The following COL18A1 variants were observed in gnomAD, a reference collection of about 807,000 sequenced individuals.
COL18A1 encodes collagen type XVIII alpha 1 chain.
COL18A1 carries 133 observed loss-of-function variants against 168.0 expected under a neutral mutation model. The observed-to-expected ratio is 0.79, with a 90% CI of 0.69 to 0.91. The LOEUF (loss-of-function observed/expected upper bound fraction) is 0.91. COL18A1 is among the 40% of genes least tolerant of loss of function. The pLI, the probability that COL18A1 is intolerant of heterozygous loss-of-function variation, is 0.00. For synonymous variants in COL18A1, 949 were observed against 809.0 expected (o/e 1.17, Z -2.94); for missense variants, 2,126 against 1,925.4 (o/e 1.10, Z -1.95).
intron 17 of COL18A1, among the ~76,000 whole-genome samples, chr21:45,487,964 A>T (rs185945473): frequency 1.5e-3 from 236 of 152,316 alleles, no homozygotes; most frequent in African/African-American, 5.1e-3. Flanking sequence ...CAAAATCCCA[A>T]AACAACTGTG....
At chr21:45,488,040 A>C (rs148309298) in intron 17 of COL18A1, among the ~76,000 whole-genome samples, 1 of 152,040 alleles carries the variant, frequency 6.6e-6, no homozygotes, top group African/African-American at 2.4e-5. Flanking sequence ...CCCTGCCCCC[A>C]CTGTCCCCTC....
chr21:45,480,322 G>C, intron 11 of COL18A1, 145 bp from the exon 12 acceptor site: 1 of 1,475,138 alleles, frequency 6.8e-7, no homozygotes, highest in Non-Finnish European at 9.3e-7. Flanking sequence ...CTGCCTTCAG[G>C]CTTCTCTGGG....
Position 45,480,123 on chromosome 21 carries a change from G to A in COL18A1, c.1365G>A (p.Gly455=). The change falls in exon 11 of 42, where the codon GGG becomes GGA. Residue 455 remains glycine (G), a synonymous_variant. Coordinates refer to ENST00000651438, the MANE Select transcript of COL18A1 (RefSeq NM_001379500.1). Reference sequence around the variant, plus strand: ...CCCCAGGACCCCAAGGGCCTCCAGGGCCCCCAGGACCCTCCTTCAGACACG... The same window carrying A: ...CCCCAGGACCCCAAGGGCCTCCAGGACCCCCAGGACCCTCCTTCAGACACG... ...RGPPGPQGPP[G]PPGPSFRHDK... 6.2e-7 allele frequency: 1 copy of A among 1,601,716 alleles called. No individual in the cohort carries two copies. Among genetic ancestry groups the A allele is most frequent in the Non-Finnish European group, 8.6e-7 (1 of 1,169,200 alleles).
intron 18 of COL18A1, 62 bp from the exon 19 acceptor site, chr21:45,489,424 G>T: frequency 7.9e-7 from 1 of 1,273,180 alleles, no homozygotes; most frequent in Non-Finnish European, 1.1e-6. Context: ...ACCCGGGGTG[G>T]ACGCTGCCTG....
In COL18A1 at chr21:45,512,488, C is replaced by A; in HGVS notation, c.*90C>A. Reference sequence around the variant, plus strand: ...GGGAGCGGCCGGCCAGCCCCTGGCCCCAGGACCTGGCTGCCATACTTTCCT... The same window carrying A: ...GGGAGCGGCCGGCCAGCCCCTGGCCACAGGACCTGGCTGCCATACTTTCCT... On this transcript the variant is annotated 3_prime_UTR_variant, in exon 42 of 42. Coordinates refer to ENST00000651438, the MANE Select transcript of COL18A1 (RefSeq NM_001379500.1). The A allele has an allele frequency of 1.6e-6, 2 of 1,239,662 alleles. No homozygotes were observed. Among genetic ancestry groups the A allele is most frequent in the Non-Finnish European group, 1.2e-6 (1 of 865,762 alleles). 76.8% of individuals were successfully genotyped at this position (1,239,662 alleles called of 1,614,324 possible).
chr21:45,496,448 T>A, intron 29 of COL18A1, 52 bp from the exon 30 acceptor site: 1 of 830,016 alleles, frequency 1.2e-6, no homozygotes, highest in Non-Finnish European at 2.2e-6. Flanking sequence ...TGCTCCCAGC[T>A]GCTGCCTGAC....
Position 45,430,741 on chromosome 21 carries a change from G to A in COL18A1, c.106+25268G>A, listed in dbSNP as rs374838285. Among the ~76,000 whole-genome samples, 33 of 152,274 alleles carry A rather than the reference G, an allele frequency of 2.2e-4. No homozygotes were observed. The East Asian group carries it at 5.8e-3, about 27-fold the overall frequency. ...GCAGGAGGCTGCACTGCAAGGGAGC[G>A]TCAGTGGCCCGGCTGGCTTTCCCCG... On this transcript the variant is annotated intron_variant, in intron 2 of 41. Transcript: ENST00000651438.
rs1181858308 is a variant in COL18A1, at chr21:45,443,998, G to A, written c.107-24244G>A. 1.3e-5 allele frequency among the ~76,000 whole-genome samples: 2 copies of A among 152,174 alleles called. No homozygotes were observed. The highest frequency in any genetic ancestry group is 1.3e-4 in the Admixed American group (2 of 15,286). ...AGGTGTCTGGCCCTACCACTGGGGG[G>A]CCATGTTGCCACGCAAGAATTCAGT... On this transcript the variant is annotated intron_variant, in intron 2 of 41. Coordinates refer to ENST00000651438, the MANE Select transcript of COL18A1 (RefSeq NM_001379500.1). The surrounding 1 kb of genome is among the most constrained non-coding windows in gnomAD (Gnocchi z 5.2).
At chr21:45,478,653 G>A (rs994148306) in intron 9 of COL18A1, among the ~76,000 whole-genome samples, 1 of 152,108 alleles carries the variant, frequency 6.6e-6, no homozygotes, top group Non-Finnish European at 1.5e-5. Context: ...AAAGGAAGTC[G>A]GGCGGGGCAG....
chr21:45,499,119 G>A (rs62214271), intron 32 of COL18A1, among the ~76,000 whole-genome samples: 2,695 of 152,342 alleles, frequency 0.018, 47 homozygotes, highest in Middle Eastern at 0.037. Flanking sequence ...CAAAACGGGA[G>A]AAGCCAGAAG....
chr21:45,441,733 C>T (rs960308736), intron 2 of COL18A1, among the ~76,000 whole-genome samples: 2 of 152,264 alleles, frequency 1.3e-5, no homozygotes, highest in African/African-American at 4.8e-5. Context: ...TATGGCATGG[C>T]GCCGGGTCAG....
At position 45,486,847 on chromosome 21, in the gene COL18A1, C is replaced by T. The variant is rs1320287239; in HGVS notation, c.1702-14C>T. On this transcript the variant is annotated splice_polypyrimidine_tract_variant and intron_variant, in intron 15 of 41. Transcript: ENST00000651438. The stretch of plus-strand genomic sequence containing the variant: ...CTGGGCTGGGTCCTGACACGCTCTC[C>T]TCACCCCACGCAGGGGAGCAAGGGA... 1 of 1,527,324 alleles carries T rather than the reference C, an allele frequency of 6.5e-7. No individual in the cohort carries two copies. The highest frequency in any genetic ancestry group is 1.4e-5 in the African/African-American group (1 of 72,428). The allele number at this position is 1,527,324 out of a possible 1,614,324, so 94.6% of individuals were successfully genotyped here.
chr21:45,406,679 G>C (rs1163339143), intron 2 of COL18A1, among the ~76,000 whole-genome samples: 1 of 152,220 alleles, frequency 6.6e-6, no homozygotes, highest in Non-Finnish European at 1.5e-5. Context: ...ACAGGGCCCA[G>C]ACCAGGGCTC....
intron 27 of COL18A1, 105 bp from the exon 28 acceptor site, chr21:45,494,757 C>G: frequency 7.8e-7 from 1 of 1,288,056 alleles, no homozygotes. Flanking sequence ...ATGGGTGGCC[C>G]AGGGTGCTGT....
intron 2 of COL18A1, among the ~76,000 whole-genome samples, chr21:45,460,533 G>T (rs1193906945): frequency 1.3e-5 from 2 of 152,242 alleles, no homozygotes; most frequent in African/African-American, 4.8e-5. Context: ...TGGCCCCGAG[G>T]GGCTGCTCCT....
rs199929202 is a variant in COL18A1, at chr21:45,455,709, C to A, written c.107-12533C>A. 3.7e-6 allele frequency: 6 copies of A among 1,613,982 alleles called. No homozygotes were observed. The highest frequency in any genetic ancestry group is 1.3e-5 in the African/African-American group (1 of 75,046). Reference sequence around the variant, plus strand: ...CTGCCTGTGCAGCCCACAGCAGATACCACCACACACGTGACCCCCCGGAAT... The same window carrying A: ...CTGCCTGTGCAGCCCACAGCAGATAACACCACACACGTGACCCCCCGGAAT... On this transcript the variant is annotated intron_variant, in intron 2 of 41. Coordinates refer to ENST00000651438, the MANE Select transcript of COL18A1 (RefSeq NM_001379500.1).
chr21:45,472,096 G>A (rs1169241174), intron 3 of COL18A1, among the ~76,000 whole-genome samples: 19 of 152,166 alleles, frequency 1.2e-4, no homozygotes, highest in Admixed American at 4.6e-4. Flanking sequence ...AGGGCCTCAC[G>A]GGCCTCTCTG....
chr21:45,415,136 G>A (rs112230371), intron 2 of COL18A1, among the ~76,000 whole-genome samples: 6 of 152,150 alleles, frequency 3.9e-5, no homozygotes, highest in South Asian at 4.1e-4. Context: ...ACAGTGCGGC[G>A]TGGTGTTGGT....
chr21:45,479,790 C>A (rs2035828777), intron 9 of COL18A1, 112 bp from the exon 10 acceptor site: 5 of 1,488,514 alleles, frequency 3.4e-6, no homozygotes, highest in Non-Finnish European at 4.6e-6. Flanking sequence ...AGAGACTCCC[C>A]TGAAGGGCTC....
Sources: gnomAD v4.1 joint callset for allele counts (sites outside exome capture counted in the v4.1 genomes callset) on GRCh38, gnomAD v4.1.1 for gene constraint, Gnocchi (gnomAD v3.1) non-coding constraint, MANE v1.5 for transcripts, NCBI Gene and HGNC (gene_info 2026-07-23, HGNC 2026-07-21) for gene names.